Variants in THSD7A observed in about 807,000 individuals in gnomAD.
THSD7A encodes thrombospondin type 1 domain containing 7A.
THSD7A carries 96 observed loss-of-function variants against 231.3 expected under a neutral mutation model. The observed-to-expected ratio is 0.41, with a 90% confidence interval of 0.35 to 0.49. The LOEUF (loss-of-function observed/expected upper bound fraction) is 0.49. THSD7A is among the 20% of genes least tolerant of loss of function. The probability of loss-of-function intolerance (pLI) is 0.05; values close to 1 mark genes in which losing one functional copy is unlikely to be tolerated. For synonymous variants in THSD7A, 940 were observed against 743.3 expected, an observed-to-expected ratio of 1.26 and a Z score of -4.30; for missense variants, 2,290 against 2,070.2, an observed-to-expected ratio of 1.11 and a Z score of -2.06.
intron 6 of THSD7A, among the ~76,000 whole-genome samples, chr7:11,527,728 C>T (rs981734791): frequency 3.9e-5 from 6 of 152,168 alleles, no homozygotes; most frequent in African/African-American, 1.4e-4. Context: ...ATCTGTGAGT[C>T]TAAGCCTAGT....
At chr7:11,392,640 T>G (rs746917434) in intron 23 of THSD7A, among the ~76,000 whole-genome samples, 2 of 152,162 alleles carry the variant, frequency 1.3e-5, no homozygotes, top group Non-Finnish European at 2.9e-5. Flanking sequence ...TGGCTTGACA[T>G]TCTCACTGCC....
chr7:11,794,657 G>T (rs1195809774), intron 1 of THSD7A, among the ~76,000 whole-genome samples: 1 of 151,818 alleles, frequency 6.6e-6, no homozygotes, highest in African/African-American at 2.4e-5. Flanking sequence ...TAATATCATC[G>T]CCTAAGACCT....
intron 1 of THSD7A, among the ~76,000 whole-genome samples, chr7:11,681,703 A>C (rs555722147): frequency 6.6e-6 from 1 of 152,212 alleles, no homozygotes; most frequent in South Asian, 2.1e-4. Context: ...GATATAATGC[A>C]TGAAAAATTT....
At chr7:11,772,486 C>G (rs772106032) in intron 1 of THSD7A, among the ~76,000 whole-genome samples, 2 of 152,124 alleles carry the variant, frequency 1.3e-5, no homozygotes, top group African/African-American at 4.8e-5. Flanking sequence ...TGCCCATCAA[C>G]ACTGGCTTGG....
intron 6 of THSD7A, among the ~76,000 whole-genome samples, chr7:11,502,722 C>G (rs1421053405): frequency 3.3e-5 from 5 of 152,042 alleles, no homozygotes; most frequent in Admixed American, 2.0e-4. Flanking sequence ...CACACACACA[C>G]AAAATACCTA....
At chr7:11,778,911 G>A (rs945060056) in intron 1 of THSD7A, among the ~76,000 whole-genome samples, 3 of 151,976 alleles carry the variant, frequency 2.0e-5, no homozygotes, top group Non-Finnish European at 2.9e-5. Flanking sequence ...AATTTATAAA[G>A]CACTTTTACA....
In THSD7A at chr7:11,407,437, G is replaced by A. The variant is rs944360151; in HGVS notation, c.3799-14C>T. The A allele has an allele frequency of 6.3e-7, 1 of 1,593,060 alleles. No homozygotes were observed. On this transcript the variant is annotated splice_polypyrimidine_tract_variant and intron_variant, in intron 19 of 27. Transcript: ENST00000423059. ...CTCCAAGCCAAGCTGGAAGAACAGA[G>A]GTAGATCAGGATGTATATTGTAAAT...
At chr7:11,607,282 C>G (rs527845592) in intron 2 of THSD7A, among the ~76,000 whole-genome samples, 1 of 151,848 alleles carries the variant, frequency 6.6e-6, no homozygotes, top group Non-Finnish European at 1.5e-5. Flanking sequence ...TTTCTGAGAC[C>G]GTTACTTATA....
intron 1 of THSD7A, among the ~76,000 whole-genome samples, chr7:11,797,785 T>C (rs1379047845): frequency 2.0e-5 from 3 of 152,170 alleles, no homozygotes; most frequent in Non-Finnish European, 4.4e-5. Context: ...TAAATTAATT[T>C]CTAAATAAAA....
In THSD7A at chr7:11,485,782, T is replaced by C. The variant is rs914617596; in HGVS notation, c.1823-3800A>G. Among the ~76,000 whole-genome samples the C allele has an allele frequency of 1.2e-4, 19 of 152,188 alleles. 1 individual carries two copies. The highest frequency in any genetic ancestry group is 4.3e-4 in the African/African-American group (18 of 41,448). On this transcript the variant is annotated intron_variant, in intron 6 of 27. Coordinates refer to ENST00000423059, the MANE Select transcript of THSD7A (RefSeq NM_015204.3). ...GAAACAGGCACTCTCAAGTTGTTTGTCAACACAGTGATGCATGTTGCCAGC... is the reference window on the plus strand; with the variant it reads ...GAAACAGGCACTCTCAAGTTGTTTGCCAACACAGTGATGCATGTTGCCAGC...
intron 1 of THSD7A, among the ~76,000 whole-genome samples, chr7:11,681,741 C>A (rs892479633): frequency 6.6e-6 from 1 of 151,508 alleles, no homozygotes; most frequent in Non-Finnish European, 1.5e-5. Context: ...TGTTGACATG[C>A]GAGTACAAGA....
intron 17 of THSD7A, among the ~76,000 whole-genome samples, chr7:11,414,800 A>T (rs1783905538): frequency 6.6e-6 from 1 of 152,112 alleles, no homozygotes; most frequent in Middle Eastern, 3.2e-3. Context: ...GAATAACACT[A>T]TCTGTTTTGA....
At chr7:11,668,625 A>G (rs1783250188) in intron 1 of THSD7A, among the ~76,000 whole-genome samples, 1 of 152,196 alleles carries the variant, frequency 6.6e-6, no homozygotes, top group African/African-American at 2.4e-5. Flanking sequence ...AATCAAACAA[A>G]CAAAGAGTGA....
intron 1 of THSD7A, among the ~76,000 whole-genome samples, chr7:11,790,585 T>C (rs1783922667): frequency 6.6e-6 from 1 of 151,974 alleles, no homozygotes. Flanking sequence ...GATGTTTTTC[T>C]ATTTAAAAAT....
intron 1 of THSD7A, among the ~76,000 whole-genome samples, chr7:11,693,998 A>G (rs1041483081): frequency 6.6e-6 from 1 of 151,536 alleles, no homozygotes; most frequent in Non-Finnish European, 1.5e-5. Context: ...CAACAACTCA[A>G]TAATTAGGTT....
Position 11,593,477 on chromosome 7 carries a change from T to C in THSD7A, c.1048A>G (p.Met350Val), listed in dbSNP as rs764045441. The C allele has an allele frequency of 7.4e-6, 12 of 1,613,780 alleles. No homozygotes were observed. The South Asian group carries it at 8.8e-5, about 12-fold the overall frequency. The stretch of plus-strand genomic sequence containing the variant: ...GTGATCACACAGGACTGGAAGGTCA[T>C]TGGAAGCTTCTCTTGCTGGCAAAAG... ...LSFCQQEKLPMTFQSCVITKE... is the reference protein window; with the variant it reads ...LSFCQQEKLPVTFQSCVITKE... Residue 350 changes from methionine to valine, a missense_variant, in exon 3 of 28, where the codon ATG becomes GTG. Physicochemically the swap from Met to Val is conservative, Grantham distance 21. Transcript: ENST00000423059.
chr7:11,579,705 A>G (rs899513748), intron 4 of THSD7A, among the ~76,000 whole-genome samples: 1 of 152,136 alleles, frequency 6.6e-6, no homozygotes, highest in African/African-American at 2.4e-5. Context: ...GAGCTCAGGG[A>G]TCTAAAACTG....
intron 1 of THSD7A, among the ~76,000 whole-genome samples, chr7:11,685,779 T>G (rs1589944): frequency 6.6e-6 from 1 of 151,680 alleles, no homozygotes; most frequent in Non-Finnish European, 1.5e-5. Context: ...GTAATGTAAA[T>G]TAAATTAGCC....
At chr7:11,759,929 T>C (rs933291831) in intron 1 of THSD7A, among the ~76,000 whole-genome samples, 2 of 152,028 alleles carry the variant, frequency 1.3e-5, no homozygotes, top group Non-Finnish European at 2.9e-5. Flanking sequence ...ACAGTACATA[T>C]ATGTGAGTGG....
Sources: allele counts gnomAD v4.1 joint callset (sites outside exome capture counted in the v4.1 genomes callset), GRCh38; gene constraint gnomAD v4.1.1; transcripts MANE v1.5; gene names NCBI Gene and HGNC (gene_info 2026-07-23, HGNC 2026-07-21).